Variants in CDH6 observed in about 807,000 individuals in gnomAD.
CDH6 encodes the protein cadherin 6.
CDH6 carries 31 observed loss-of-function variants against 78.0 expected under a neutral mutation model. The ratio of observed to expected loss-of-function variants is 0.40; its 90% CI spans 0.30 to 0.54. The LOEUF (loss-of-function observed/expected upper bound fraction) is 0.54. Among genes scored for constraint, CDH6 ranks in the 20% least tolerant of loss-of-function variants. The pLI, the probability that CDH6 is intolerant of heterozygous loss-of-function variation, is 0.56. For missense variants in CDH6, 724 were observed against 975.9 expected (o/e 0.74, Z 3.44); for synonymous variants, 376 against 368.8 (o/e 1.02, Z -0.23).
chr5:31,295,461 T>C (rs1468830521), intron 3 of CDH6, among the ~76,000 whole-genome samples: 2 of 152,198 alleles, frequency 1.3e-5, no homozygotes, highest in Non-Finnish European at 2.9e-5. Flanking sequence ...CCATTCACTT[T>C]TGAAGCCATT....
intron 1 of CDH6, among the ~76,000 whole-genome samples, chr5:31,264,860 A>C (rs1188936747): frequency 1.4e-4 from 22 of 152,258 alleles, no homozygotes; most frequent in Admixed American, 1.4e-3. Flanking sequence ...GAAATACTTG[A>C]CATTTTGGTA....
rs1742402407 is a variant in CDH6, at chr5:31,267,716, A to G, written c.228+15A>G. ...ATGTGGGCAAGGTAGGATTCCTTTGAGTGCTTTGACATTCTGGGTTTAAAG... is the reference window on the plus strand; with the variant it reads ...ATGTGGGCAAGGTAGGATTCCTTTGGGTGCTTTGACATTCTGGGTTTAAAG... On this transcript the variant is annotated intron_variant, in intron 2 of 11. Transcript: ENST00000265071. 6.3e-7 allele frequency: 1 copy of G among 1,588,416 alleles called. No individual in the cohort carries two copies. Among genetic ancestry groups the G allele is most frequent in the Non-Finnish European group, 8.6e-7 (1 of 1,156,630 alleles).
Position 31,208,295 on chromosome 5 carries a change from A to C in CDH6, c.-129+14409A>C, listed in dbSNP as rs146611764. On this transcript the variant is annotated intron_variant, in intron 1 of 11. Transcript: ENST00000265071. ...AAGGGGTTTTATGCCCTGGGCTTAG[A>C]TTTGTGGCGTGGCAGTGCAGCCTTC... 6.6e-5 allele frequency among the ~76,000 whole-genome samples: 10 copies of C among 152,218 alleles called. No individual in the cohort carries two copies. In the East Asian group the frequency reaches 1.5e-3, roughly 24 times the overall value.
chr5:31,197,511 CTTTA>C (rs746498071), intron 1 of CDH6, among the ~76,000 whole-genome samples: 5 of 152,110 alleles, frequency 3.3e-5, no homozygotes, highest in Non-Finnish European at 7.4e-5. Context: ...ACTGAGCACA[CTTTA>C]TTTACTTCAC....
At chr5:31,296,521 C>A (rs1373055168) in intron 3 of CDH6, among the ~76,000 whole-genome samples, 1 of 152,106 alleles carries the variant, frequency 6.6e-6, no homozygotes, top group East Asian at 1.9e-4. Flanking sequence ...GATGTTTGTG[C>A]TTTGCTGTTC....
At chr5:31,218,199 T>A (rs977855125) in intron 1 of CDH6, among the ~76,000 whole-genome samples, 2 of 152,080 alleles carry the variant, frequency 1.3e-5, no homozygotes, top group African/African-American at 4.8e-5. Context: ...TTATAATATA[T>A]TATCCAATGA....
intron 1 of CDH6, among the ~76,000 whole-genome samples, chr5:31,206,153 T>C (rs201861243): frequency 1.3e-5 from 2 of 151,402 alleles, no homozygotes; most frequent in African/African-American, 4.9e-5. Context: ...GATAGATAGA[T>C]GATAGAATAG....
intron 1 of CDH6, among the ~76,000 whole-genome samples, chr5:31,214,140 T>TAA (rs397809617): frequency 0.26 from 33,747 of 129,732 alleles, 4,516 homozygotes; most frequent in South Asian, 0.36. Context: ...ATCTGTGCCT[T>TAA]AAAAAAAAAA....
At chr5:31,318,270 A>G (rs2149960458) in intron 11 of CDH6, 1 of 556,486 alleles carries the variant, frequency 1.8e-6, no homozygotes, top group South Asian at 2.3e-5. Flanking sequence ...AACGTTGTTA[A>G]GTGTCTGGCA....
At chr5:31,196,512 G>A (rs994385057) in intron 1 of CDH6, among the ~76,000 whole-genome samples, 4 of 152,130 alleles carry the variant, frequency 2.6e-5, no homozygotes, top group Admixed American at 1.3e-4. Context: ...TGAATCCTTT[G>A]AACTATTCAA....
At chr5:31,221,988 C>T (rs1278686534) in intron 1 of CDH6, among the ~76,000 whole-genome samples, 1 of 152,122 alleles carries the variant, frequency 6.6e-6, no homozygotes, top group Non-Finnish European at 1.5e-5. Context: ...GAGGCTTTCT[C>T]CCAGCTAGTC....
At chr5:31,219,566 T>C (rs1352658510) in intron 1 of CDH6, among the ~76,000 whole-genome samples, 1 of 152,142 alleles carries the variant, frequency 6.6e-6, no homozygotes, top group African/African-American at 2.4e-5. Flanking sequence ...GGCAGTTATA[T>C]GTTGAGCTCA....
At position 31,298,686 on chromosome 5, in the gene CDH6, C is replaced by G. The variant is rs188433751; in HGVS notation, c.644-778C>G. Among the ~76,000 whole-genome samples, 223 of 152,176 alleles carry G rather than the reference C, an allele frequency of 1.5e-3. 3 individuals carry two copies. The highest frequency in any genetic ancestry group is 3.4e-3 in the Middle Eastern group (1 of 294). ...AAAGAAAGTTAATTTAAGCATAAAC[C>G]TTACATAGAAATTGGGCAAACTTTT... On this transcript the variant is annotated intron_variant, in intron 4 of 11. Transcript: ENST00000265071.
intron 2 of CDH6, among the ~76,000 whole-genome samples, chr5:31,269,349 T>A (rs1221914901): frequency 1.3e-5 from 2 of 152,074 alleles, no homozygotes; most frequent in African/African-American, 4.8e-5. Flanking sequence ...GAATCAGTTT[T>A]ACAATTATAA....
chr5:31,267,102 A>G (rs946267561), intron 1 of CDH6, among the ~76,000 whole-genome samples: 3 of 152,210 alleles, frequency 2.0e-5, no homozygotes, highest in Non-Finnish European at 2.9e-5. Flanking sequence ...CTATGGCAAC[A>G]CTATTCCTTA....
chr5:31,221,062 T>C (rs1046641451), intron 1 of CDH6, among the ~76,000 whole-genome samples: 2 of 152,172 alleles, frequency 1.3e-5, no homozygotes, highest in Non-Finnish European at 2.9e-5. Flanking sequence ...ACCATGTAGT[T>C]TGTCATGCAA....
rs180745928 is a variant in CDH6 at position 31,229,577 on chromosome 5, A to G, written c.-129+35691A>G. Among the ~76,000 whole-genome samples, 123 of 152,336 alleles carry G rather than the reference A, an allele frequency of 8.1e-4. 3 individuals carry two copies. Among genetic ancestry groups the G allele is most frequent in the Admixed American group, 7.8e-3 (119 of 15,304 alleles). ...TCCCCTGATATTATTGGCTAAACCA[A>G]TAAGTGGTTAATTTTTTTATGTAAA... On this transcript the variant is annotated intron_variant, in intron 1 of 11. Transcript: ENST00000265071.
intron 5 of CDH6, 72 bp downstream of exon 5, chr5:31,299,703 T>C: frequency 1.5e-6 from 2 of 1,312,624 alleles, no homozygotes; most frequent in Middle Eastern, 1.9e-4. Flanking sequence ...ATTTTTATTT[T>C]CCATTGTCAT....
chr5:31,227,548 T>A (rs1051547167), intron 1 of CDH6, among the ~76,000 whole-genome samples: 2 of 152,022 alleles, frequency 1.3e-5, no homozygotes, highest in Admixed American at 1.3e-4. Context: ...AATGTACACC[T>A]CCCCCTCCCT....
Sources: gnomAD v4.1 joint callset for allele counts (sites outside exome capture counted in the v4.1 genomes callset) on GRCh38, gnomAD v4.1.1 for gene constraint, MANE v1.5 for transcripts, NCBI Gene and HGNC (gene_info 2026-07-23, HGNC 2026-07-21) for gene names.